IFT140: variants seen among roughly 807,000 people sequenced by gnomAD.
The protein encoded by IFT140 is intraflagellar transport 140, also known as intraflagellar transport protein 140 homolog.
Under a neutral mutation model 164.6 loss-of-function variants are expected in IFT140, and 133 were observed. The observed-to-expected ratio is 0.81, with a 90% CI of 0.70 to 0.93. The LOEUF is 0.93. Among genes scored for constraint, IFT140 ranks in the 40% least tolerant of loss-of-function variants. IFT140 has a pLI of 0.00. For missense variants in IFT140, 2,045 were observed against 1,972.3 expected (o/e 1.04, Z -0.70); for synonymous variants, 860 against 817.3 (o/e 1.05, Z -0.89).
chr16:1,523,971 G>T lies in IFT140; in HGVS notation c.3142-15C>A. 6.2e-7 allele frequency: 1 copy of T among 1,608,776 alleles called. No individual in the cohort carries two copies. Among genetic ancestry groups the T allele is most frequent in the Non-Finnish European group, 8.5e-7 (1 of 1,179,364 alleles). ...AGGCCGTTCTCCTGCAGGGAGGGAGGCAGGGCCCTGAAGCGGCTCCCACTG... is the reference window on the plus strand; with the variant it reads ...AGGCCGTTCTCCTGCAGGGAGGGAGTCAGGGCCCTGAAGCGGCTCCCACTG... On this transcript the variant is annotated splice_polypyrimidine_tract_variant and intron_variant, in intron 24 of 30. Coordinates refer to ENST00000426508, the MANE Select transcript of IFT140 (RefSeq NM_014714.4).
chr16:1,609,609 G>A (rs1567438531), intron 2 of IFT140, among the ~76,000 whole-genome samples: 1 of 152,220 alleles, frequency 6.6e-6, no homozygotes, highest in Non-Finnish European at 1.5e-5. Context: ...ACTTAGCAAG[G>A]AGAGAGATTC....
In IFT140 at chr16:1,610,763, A is replaced by G. The variant is rs1322840538; in HGVS notation, c.-131T>C. 1.3e-5 allele frequency: 2 copies of G among 153,514 alleles called. No homozygotes were observed. The highest frequency in any genetic ancestry group is 2.9e-5 in the Non-Finnish European group (2 of 68,224). 9.5% of individuals were successfully genotyped at this position (153,514 alleles called of 1,614,324 possible). A position where few individuals can be genotyped will look rare whatever the true frequency, so the allele number is the denominator to read the frequency against. ...AGCGAGGCGGCCCCGAGGACTCCCG[A>G]AGCGCCCCGAGCGGCCGGAAAGAGC... On this transcript the variant is annotated 5_prime_UTR_variant, in exon 2 of 31. Transcript: ENST00000426508.
intron 30 of IFT140, 43 bp from the exon 31 acceptor site, chr16:1,511,193 C>A: frequency 6.6e-7 from 1 of 1,518,848 alleles, no homozygotes; most frequent in East Asian, 2.4e-5. Flanking sequence ...CCTGAACAAC[C>A]AGGCACGACC....
chr16:1,534,620 T>C (rs2141239784), intron 19 of IFT140: 2 of 1,591,176 alleles, frequency 1.3e-6, no homozygotes, highest in Non-Finnish European at 8.5e-7. Flanking sequence ...TGGGAGATGT[T>C]AGGCGCGGAC....
At chr16:1,595,790 T>A (rs924512249) in intron 4 of IFT140, among the ~76,000 whole-genome samples, 1 of 151,838 alleles carries the variant, frequency 6.6e-6, no homozygotes, top group African/African-American at 2.4e-5. Flanking sequence ...CAATGGCTCA[T>A]GCCTGTAATC....
chr16:1,601,179 G>A (rs999072629), intron 4 of IFT140, among the ~76,000 whole-genome samples: 43 of 151,506 alleles, frequency 2.8e-4, no homozygotes, highest in Admixed American at 2.4e-3. Flanking sequence ...AGAGAGAATC[G>A]CTTGAACTCA....
At position 1,566,320 on chromosome 16, in the gene IFT140, C is replaced by T. The variant is rs767591094; in HGVS notation, c.1771-29G>A. On this transcript the variant is annotated intron_variant, in intron 15 of 30. Transcript: ENST00000426508. ...GGAGAAGAGAAAACCAGAAAGCTCA[C>T]GGAGCCTGCCCAGACCAGCGGGTTG... 1.9e-5 allele frequency: 31 copies of T among 1,610,160 alleles called. No homozygotes were observed. The East Asian group carries it at 2.7e-4, about 14-fold the overall frequency.
intron 12 of IFT140, 116 bp downstream of exon 12, chr16:1,583,198 G>T: frequency 1.1e-6 from 1 of 891,578 alleles, no homozygotes; most frequent in Non-Finnish European, 1.8e-6. Context: ...AGTAGCACAA[G>T]GGTCTCCCCA....
intron 15 of IFT140, among the ~76,000 whole-genome samples, chr16:1,567,868 G>A (rs539370070): frequency 4.6e-5 from 7 of 152,292 alleles, no homozygotes; most frequent in Non-Finnish European, 7.3e-5. Context: ...GCCTCCTCGC[G>A]TGCCAAAGAA....
intron 12 of IFT140, 59 bp downstream of exon 12, chr16:1,583,255 G>C: frequency 7.0e-7 from 1 of 1,426,584 alleles, no homozygotes; most frequent in Non-Finnish European, 9.9e-7. Flanking sequence ...CTCTCATTAG[G>C]CAGGGAGGAA....
intron 14 of IFT140, among the ~76,000 whole-genome samples, chr16:1,569,769 T>A (rs936647711): frequency 2.0e-5 from 3 of 151,296 alleles, no homozygotes; most frequent in Non-Finnish European, 2.9e-5. Context: ...TTTTTTTTTT[T>A]AAGAAATTGG....
intron 30 of IFT140, among the ~76,000 whole-genome samples, chr16:1,517,045 T>G (rs571248039): frequency 6.6e-6 from 1 of 151,934 alleles, no homozygotes; most frequent in Admixed American, 6.6e-5. Context: ...TACAAGTCAT[T>G]GGAATTTCAG....
chr16:1,605,404 C>CTTAT (rs1235630680), intron 3 of IFT140, among the ~76,000 whole-genome samples: 1 of 152,016 alleles, frequency 6.6e-6, no homozygotes, highest in Non-Finnish European at 1.5e-5. Context: ...ACCTCATTTT[C>CTTAT]TTATTTATTT....
intron 4 of IFT140, among the ~76,000 whole-genome samples, chr16:1,595,400 G>A (rs1443625755): frequency 2.0e-5 from 3 of 151,934 alleles, no homozygotes; most frequent in East Asian, 2.0e-4. Flanking sequence ...AGCAGATCAC[G>A]AGGTCAGGAT....
chr16:1,541,879 C>T (rs371679153), intron 19 of IFT140: 152 of 1,511,554 alleles, frequency 1.0e-4, no homozygotes, highest in Non-Finnish European at 1.3e-4. Context: ...GCCTCTGGAG[C>T]CCACCTGCAC....
At position 1,568,361 on chromosome 16, in the gene IFT140, G is replaced by A. The variant is rs146608614; in HGVS notation, c.1653-27C>T. 6.3e-4 allele frequency: 983 copies of A among 1,560,450 alleles called. 5 individuals carry two copies. In the African/African-American group the frequency reaches 0.011, roughly 18 times the overall value. On this transcript the variant is annotated intron_variant, in intron 14 of 30. Transcript: ENST00000426508. ...TGCAGGGAGGAAGAGGGACCTCAGTGCCCGCCAGAGGCCCAGTTCCCAATT... is the reference window on the plus strand; with the variant it reads ...TGCAGGGAGGAAGAGGGACCTCAGTACCCGCCAGAGGCCCAGTTCCCAATT...
chr16:1,587,180 C>T lies in IFT140; in HGVS notation c.1009+18G>A, dbSNP rs574541842. 9 of 1,510,438 alleles carry T rather than the reference C, an allele frequency of 6.0e-6. No homozygotes were observed. In the African/African-American group the frequency reaches 1.2e-4, roughly 21 times the overall value. The allele number at this position is 1,510,438 out of a possible 1,614,324, so 93.6% of individuals were successfully genotyped here. A position where few individuals can be genotyped will look rare whatever the true frequency, so the allele number is the denominator to read the frequency against. ...GTGGTTGGTTCTGTTTCTCTTGTGC[C>T]AGGCCAGGAAGCCTCACCTTTGACT... On this transcript the variant is annotated intron_variant, in intron 9 of 30. Transcript: ENST00000426508.
chr16:1,558,320 A>C (rs1315423896), intron 18 of IFT140, among the ~76,000 whole-genome samples, 186 bp from the exon 19 acceptor site: 5 of 152,258 alleles, frequency 3.3e-5, no homozygotes, highest in African/African-American at 1.2e-4. Flanking sequence ...GGCAATGGTC[A>C]GAGCTTTTGG....
intron 17 of IFT140, among the ~76,000 whole-genome samples, chr16:1,563,446 C>CCGTCTCAAAA (rs1567375165): frequency 6.6e-6 from 1 of 150,694 alleles, no homozygotes; most frequent in African/African-American, 2.5e-5. Flanking sequence ...GAGAGAGACT[C>CCGTCTCAAAA]AAAAAACAAA....
Sources: gnomAD v4.1 joint callset for allele counts (sites outside exome capture counted in the v4.1 genomes callset) on GRCh38, gnomAD v4.1.1 for gene constraint, MANE v1.5 for transcripts, NCBI Gene and HGNC (gene_info 2026-07-23, HGNC 2026-07-21) for gene names.